The following NPAT variants were observed in gnomAD, a reference collection of about 807,000 sequenced individuals.
NPAT encodes nuclear protein, coactivator of histone transcription, also known as protein NPAT.
In NPAT, 52 loss-of-function variants were observed where a neutral mutation model predicts 130.7. The ratio of observed to expected loss-of-function variants is 0.40; its 90% confidence interval spans 0.32 to 0.50. The LOEUF (loss-of-function observed/expected upper bound fraction) is 0.50, where lower values mean the gene tolerates loss of function less well. NPAT is among the 20% of genes least tolerant of loss of function. NPAT has a pLI of 0.68. For missense variants in NPAT, 1,687 were observed against 1,662.6 expected, an observed-to-expected ratio of 1.01 and a Z score of -0.26; for synonymous variants, 580 against 584.8, an observed-to-expected ratio of 0.99 and a Z score of 0.12.
chr11:108,165,270 G>A (rs2077890416), intron 15 of NPAT, among the ~76,000 whole-genome samples: 1 of 151,694 alleles, frequency 6.6e-6, no homozygotes, highest in Non-Finnish European at 1.5e-5. Context: ...TATAAGTTAT[G>A]TATTTCTCAT....
intron 7 of NPAT, among the ~76,000 whole-genome samples, chr11:108,187,760 A>C (rs2078121722): frequency 6.6e-6 from 1 of 152,096 alleles, no homozygotes; most frequent in Non-Finnish European, 1.5e-5. Context: ...ATGTGTGTGG[A>C]GCATAGAACA....
At chr11:108,181,446 C>T (rs1434771143) in intron 10 of NPAT, among the ~76,000 whole-genome samples, 3 of 148,598 alleles carry the variant, frequency 2.0e-5, no homozygotes, top group Non-Finnish European at 4.5e-5. Context: ...GCCAGGGTGA[C>T]AGAGCGAGAC....
chr11:108,160,010 G>T (rs548139191), intron 17 of NPAT, among the ~76,000 whole-genome samples: 10 of 152,174 alleles, frequency 6.6e-5, no homozygotes, highest in African/African-American at 2.4e-4. Flanking sequence ...AATTAGCTGG[G>T]TGTGGTGGCA....
chr11:108,222,067 G>C (rs1214647671), intron 1 of NPAT, among the ~76,000 whole-genome samples: 1 of 152,138 alleles, frequency 6.6e-6, no homozygotes, highest in Non-Finnish European at 1.5e-5. Context: ...GCGCCAGGAA[G>C]GTCTCTCTAC....
At chr11:108,160,097 G>A (rs2077831084) in intron 17 of NPAT, among the ~76,000 whole-genome samples, 2 of 150,568 alleles carry the variant, frequency 1.3e-5, no homozygotes, top group Admixed American at 1.3e-4. Flanking sequence ...TTGCAGTGAG[G>A]CAAGATCACG....
At chr11:108,174,733 G>A (rs947491732) in intron 12 of NPAT, among the ~76,000 whole-genome samples, 9 of 151,434 alleles carry the variant, frequency 5.9e-5, no homozygotes, top group African/African-American at 2.2e-4. Flanking sequence ...TCCTGCCTCA[G>A]CCTCTTGAGT....
chr11:108,169,129 C>T (rs932309408), intron 15 of NPAT, among the ~76,000 whole-genome samples: 3 of 152,146 alleles, frequency 2.0e-5, no homozygotes, highest in African/African-American at 7.2e-5. Flanking sequence ...ATGACAAATA[C>T]TTGAACTAAG....
rs1222218124 is a variant in NPAT, at chr11:108,158,920, T to G, written c.*22A>C. The G allele has an allele frequency of 9.0e-6, 13 of 1,437,652 alleles. No homozygotes were observed. The highest frequency in any genetic ancestry group is 5.0e-5 in the Admixed American group (3 of 59,738). The allele number at this position is 1,437,652 out of a possible 1,614,324, so 89.1% of individuals were successfully genotyped here. On this transcript the variant is annotated 3_prime_UTR_variant, in exon 18 of 18. Coordinates refer to ENST00000278612, the MANE Select transcript of NPAT (RefSeq NM_002519.3). ...AGGGATATGAGTTTTTAACACCTAC[T>G]GTTCTTATGTGTCCAGAATGTTTAC... is the stretch of plus-strand genomic sequence containing the variant.
chr11:108,180,062 C>G (rs1335766468), intron 10 of NPAT, among the ~76,000 whole-genome samples: 1 of 152,080 alleles, frequency 6.6e-6, no homozygotes, highest in East Asian at 1.9e-4. Flanking sequence ...CACCGAGGCT[C>G]ACACCTATAG....
chr11:108,190,580 T>A, intron 4 of NPAT, 80 bp from the exon 5 acceptor site: 1 of 1,304,288 alleles, frequency 7.7e-7, no homozygotes, highest in Non-Finnish European at 1.1e-6. Context: ...CAGTCAGACC[T>A]CAAGTTAGTT....
In NPAT at chr11:108,162,144, T is replaced by C. The variant is rs775075122; in HGVS notation, c.3047A>G (p.His1016Arg). 3 of 1,614,110 alleles carry C rather than the reference T, an allele frequency of 1.9e-6. No individual in the cohort carries two copies. The highest frequency in any genetic ancestry group is 2.5e-6 in the Non-Finnish European group (3 of 1,179,944). Reference sequence around the variant, plus strand: ...CTTTTGTGCATGACATCCAACTGAATGACCTGACGAATCCACCAAATTATT... The same window carrying C: ...CTTTTGTGCATGACATCCAACTGAACGACCTGACGAATCCACCAAATTATT... The part of the protein sequence containing the change: ...QVNNLVDSSG[H>R]SVGCHAQKTE... The change falls in exon 16 of 18, where the codon CAT (histidine) becomes CGT (arginine). Residue 1016 changes from histidine to arginine, a missense_variant. Transcript: ENST00000278612.
intron 4 of NPAT, 69 bp downstream of exon 4, chr11:108,192,049 T>A (rs958893872): frequency 7.7e-6 from 8 of 1,040,126 alleles, no homozygotes; most frequent in Non-Finnish European, 1.2e-5. Context: ...TGTGTAGGTC[T>A]TAAGAAGATT....
Position 108,189,467 on chromosome 11 carries a change from C to G in NPAT, c.332-137G>C, listed in dbSNP as rs930003935. ...GAAGAATGATTCCTAAATATATCAACTAAATTTATGCGACTTTCAGAAGAA... is the reference window on the plus strand; with the variant it reads ...GAAGAATGATTCCTAAATATATCAAGTAAATTTATGCGACTTTCAGAAGAA... On this transcript the variant is annotated intron_variant, in intron 5 of 17. Coordinates refer to ENST00000278612, the MANE Select transcript of NPAT (RefSeq NM_002519.3). 1.9e-5 allele frequency: 14 copies of G among 738,026 alleles called. No homozygotes were observed. The African/African-American group carries it at 1.9e-4, about 10-fold the overall frequency. 45.7% of individuals were successfully genotyped at this position (738,026 alleles called of 1,614,324 possible).
chr11:108,192,098 A>G lies in NPAT; in HGVS notation c.290+20T>C, dbSNP rs771508960. ...TATTTGCATTCCAAAATCATTAGGCACATTCTAATAGCTTATTACCTGATC... is the reference window on the plus strand; with the variant it reads ...TATTTGCATTCCAAAATCATTAGGCGCATTCTAATAGCTTATTACCTGATC... On this transcript the variant is annotated intron_variant, in intron 4 of 17. Coordinates refer to ENST00000278612, the MANE Select transcript of NPAT (RefSeq NM_002519.3). The G allele has an allele frequency of 5.3e-6, 8 of 1,510,638 alleles. No individual in the cohort carries two copies. The highest frequency in any genetic ancestry group is 7.4e-6 in the Non-Finnish European group (8 of 1,085,828). The allele number at this position is 1,510,638 out of a possible 1,614,324, so 93.6% of individuals were successfully genotyped here.
rs186670384 is a variant in NPAT, at chr11:108,187,495, T to C, written c.638+603A>G. On this transcript the variant is annotated intron_variant, in intron 7 of 17. Transcript: ENST00000278612. ...TATTGCTGTTTGTTATTTTATATGG[T>C]GAAGTGAGAAAGGCTCCAATAAAGG... 1.2e-4 allele frequency among the ~76,000 whole-genome samples: 18 copies of C among 152,140 alleles called. No homozygotes were observed. The Middle Eastern group carries it at 0.01, about 86-fold the overall frequency.
At chr11:108,164,276 G>A (rs2077880086) in intron 15 of NPAT, among the ~76,000 whole-genome samples, 1 of 152,194 alleles carries the variant, frequency 6.6e-6, no homozygotes, top group Non-Finnish European at 1.5e-5. Flanking sequence ...CCAAGTGGAA[G>A]GTGGGTGAGA....
In NPAT at chr11:108,158,905, G is replaced by A; in HGVS notation, c.*37C>T. On this transcript the variant is annotated 3_prime_UTR_variant, in exon 18 of 18. Transcript: ENST00000278612. ...CCTACACTCAGTTTAAGGGATATGA[G>A]TTTTTAACACCTACTGTTCTTATGT... 1.5e-6 allele frequency: 2 copies of A among 1,297,600 alleles called. No individual in the cohort carries two copies. The highest frequency in any genetic ancestry group is 2.2e-6 in the Non-Finnish European group (2 of 896,192). 80.4% of individuals were successfully genotyped at this position (1,297,600 alleles called of 1,614,324 possible).
Position 108,185,235 on chromosome 11 carries a change from A to C in NPAT, c.903T>G (p.Leu301=), listed in dbSNP as rs568643798. Residue 301 remains leucine, a synonymous_variant, in exon 10 of 18, where the codon CTT becomes CTG. Transcript: ENST00000278612. ...TGCACACCCCAACCACCCATACCGG[A>C]AGTCCTAGGAATTCATCAATTGAAG... ...PETSIDEFLG[L]PSEIHMSEEA... is the part of the protein sequence containing the mutation. 2.4e-5 allele frequency: 39 copies of C among 1,607,164 alleles called. No homozygotes were observed. The East Asian group carries it at 7.8e-4, about 32-fold the overall frequency.
chr11:108,210,194 C>T (rs935311298), intron 1 of NPAT, among the ~76,000 whole-genome samples: 1 of 151,698 alleles, frequency 6.6e-6, no homozygotes, highest in African/African-American at 2.4e-5. Flanking sequence ...CAGTTGTTAT[C>T]TCAACAATTT....
Sources: gnomAD v4.1 joint callset for allele counts (sites outside exome capture counted in the v4.1 genomes callset) on GRCh38, gnomAD v4.1.1 for gene constraint, MANE v1.5 for transcripts, NCBI Gene and HGNC (gene_info 2026-07-23, HGNC 2026-07-21) for gene names.